Variants in DNAH12 observed in about 807,000 individuals in gnomAD.
The protein encoded by DNAH12 is axonemal beta dynein heavy chain 12.
A neutral mutation model predicts 371.5 loss-of-function variants in DNAH12; 285 were observed. The ratio of observed to expected loss-of-function variants is 0.77; its 90% CI spans 0.70 to 0.85. DNAH12 has a LOEUF of 0.85. DNAH12 is among the 40% of genes least tolerant of loss of function. DNAH12 has a pLI of 0.00. For missense variants in DNAH12, 3,611 were observed against 3,689.4 expected (o/e 0.98, Z 0.55); for synonymous variants, 1,200 against 1,213.0 (o/e 0.99, Z 0.22).
chr3:57,349,215 C>T (rs1356653397), intron 60 of DNAH12, among the ~76,000 whole-genome samples: 4 of 152,150 alleles, frequency 2.6e-5, no homozygotes, highest in Admixed American at 2.6e-4. Context: ...GGCCAACAAG[C>T]ATATGGAAAA....
chr3:57,417,461 G>A (rs771335793), intron 37 of DNAH12, among the ~76,000 whole-genome samples: 1 of 152,100 alleles, frequency 6.6e-6, no homozygotes, highest in Non-Finnish European at 1.5e-5. Flanking sequence ...AGTAACATTA[G>A]CTCTATGAAA....
At chr3:57,541,973 T>C (rs561176682) in intron 2 of DNAH12, among the ~76,000 whole-genome samples, 1 of 152,140 alleles carries the variant, frequency 6.6e-6, no homozygotes, top group Non-Finnish European at 1.5e-5. Context: ...CCTCATTTTA[T>C]AGTTTAAGTG....
chr3:57,314,257 A>AC (rs1304637383), intron 66 of DNAH12, among the ~76,000 whole-genome samples: 10 of 152,084 alleles, frequency 6.6e-5, no homozygotes, highest in African/African-American at 2.4e-4. Context: ...GTCCTTCTGC[A>AC]CCTCTTTATT....
chr3:57,347,189 A>G (rs1484113434), intron 60 of DNAH12, among the ~76,000 whole-genome samples: 1 of 152,202 alleles, frequency 6.6e-6, no homozygotes, highest in African/African-American at 2.4e-5. Flanking sequence ...AAAATCTCTC[A>G]TAAAAATAGA....
Position 57,500,328 on chromosome 3 carries a change from A to T in DNAH12, c.1335+993T>A, listed in dbSNP as rs1456158771. On this transcript the variant is annotated intron_variant, in intron 11 of 73. Transcript: ENST00000495027. ...AGTGCTGAGATTACAGGTGTGAGCC[A>T]CTGCACCCAGCCCAGAATTATCTTT... 2.0e-5 allele frequency among the ~76,000 whole-genome samples: 3 copies of T among 152,220 alleles called. No individual in the cohort carries two copies. In the East Asian group the frequency reaches 5.8e-4, roughly 29 times the overall value.
intron 40 of DNAH12, among the ~76,000 whole-genome samples, chr3:57,407,248 C>T (rs1308129657): frequency 1.4e-5 from 2 of 148,056 alleles, no homozygotes; most frequent in African/African-American, 5.0e-5. Context: ...CTCCAACCTC[C>T]ACACATGGTA....
chr3:57,459,036 A>C (rs1214644500), intron 20 of DNAH12, among the ~76,000 whole-genome samples: 2 of 152,210 alleles, frequency 1.3e-5, no homozygotes, highest in Non-Finnish European at 2.9e-5. Flanking sequence ...TATTTCTTAA[A>C]TTGAATACCA....
At chr3:57,369,511 T>A (rs1429797626) in intron 55 of DNAH12, among the ~76,000 whole-genome samples, 1 of 151,824 alleles carries the variant, frequency 6.6e-6, no homozygotes, top group Non-Finnish European at 1.5e-5. Flanking sequence ...AACTGTGTTC[T>A]TTTAGTTTCT....
rs1419829086 is a variant in DNAH12, at chr3:57,445,351, A to G, written c.4248T>C (p.Ser1416=). The G allele has an allele frequency of 2.4e-5, 37 of 1,551,638 alleles. No individual in the cohort carries two copies. The Admixed American group carries it at 6.7e-4, about 28-fold the overall frequency. ...YALIAEISLY[S]YGFLNARPLS... ...GAGGTCTTGCATTCAAAAATCCGTAAGAGTAGAGGGAGATTTCTGCTATAA... is the reference window on the plus strand; with the variant it reads ...GAGGTCTTGCATTCAAAAATCCGTAGGAGTAGAGGGAGATTTCTGCTATAA... Residue 1416 remains serine, a synonymous_variant, in exon 28 of 74, where the codon TCT becomes TCC. Coordinates refer to ENST00000495027, the MANE Select transcript of DNAH12 (RefSeq NM_001366028.2).
chr3:57,337,717 A>G (rs1024596743), intron 60 of DNAH12, among the ~76,000 whole-genome samples: 2 of 152,178 alleles, frequency 1.3e-5, no homozygotes, highest in Admixed American at 6.5e-5. Flanking sequence ...GAGCACCCAG[A>G]TATATAAAGC....
intron 23 of DNAH12, among the ~76,000 whole-genome samples, chr3:57,454,217 A>T (rs757800948): frequency 1.4e-4 from 21 of 152,342 alleles, no homozygotes; most frequent in Non-Finnish European, 2.4e-4. Context: ...GCAGCGGTTC[A>T]TGCCTCTAAT....
chr3:57,375,836 A>G lies in DNAH12; in HGVS notation c.8595T>C (p.Asp2865=), dbSNP rs1411953585. ...CCACTACCTTGCACAACATGCTCCA[A>G]TCTTTTGTACATGTTTGTCGAAAGC... ...TSGFRQTCTK[D]WSMLCKKKKI... is the part of the protein sequence containing the mutation. The change falls in exon 54 of 74, where the codon GAT becomes GAC. Residue 2865 remains aspartate, a synonymous_variant. Transcript: ENST00000495027. 6.6e-6 allele frequency: 1 copy of G among 152,158 alleles called. No homozygotes were observed. The highest frequency in any genetic ancestry group is 2.4e-5 in the African/African-American group (1 of 41,448). 9.4% of individuals were successfully genotyped at this position (152,158 alleles called of 1,614,324 possible).
chr3:57,462,658 C>A, intron 18 of DNAH12, 32 bp downstream of exon 18: 1 of 1,535,568 alleles, frequency 6.5e-7, no homozygotes, highest in South Asian at 1.2e-5. Context: ...GAAGTCATCA[C>A]ATAAAGTATT....
intron 13 of DNAH12, among the ~76,000 whole-genome samples, chr3:57,476,799 A>T (rs1232744541): frequency 6.6e-6 from 1 of 152,206 alleles, no homozygotes; most frequent in East Asian, 1.9e-4. Context: ...AATATAGGTA[A>T]ATAGGTACAT....
intron 2 of DNAH12, among the ~76,000 whole-genome samples, chr3:57,528,403 T>TG (rs1225998013): frequency 1.3e-4 from 20 of 151,870 alleles, no homozygotes; most frequent in African/African-American, 4.8e-4. Context: ...TGTAGATATT[T>TG]GGGGGGTAGT....
intron 8 of DNAH12, among the ~76,000 whole-genome samples, chr3:57,507,198 C>G (rs562636667): frequency 2.8e-4 from 42 of 152,038 alleles, no homozygotes; most frequent in African/African-American, 9.2e-4. Flanking sequence ...TAAAAATTCC[C>G]TATTTGTCAT....
chr3:57,483,319 T>C, intron 13 of DNAH12, 57 bp downstream of exon 13: 1 of 1,522,430 alleles, frequency 6.6e-7, no homozygotes, highest in Non-Finnish European at 8.8e-7. Flanking sequence ...ATCTTCACCA[T>C]GAAAATAATA....
chr3:57,334,041 C>T (rs1043322894), intron 62 of DNAH12, among the ~76,000 whole-genome samples: 3 of 151,974 alleles, frequency 2.0e-5, no homozygotes, highest in African/African-American at 7.3e-5. Context: ...ATGAAATACA[C>T]AATTACTAAA....
chr3:57,363,134 A>ACC (rs2062975100), intron 58 of DNAH12, among the ~76,000 whole-genome samples: 1 of 152,156 alleles, frequency 6.6e-6, no homozygotes, highest in Non-Finnish European at 1.5e-5. Flanking sequence ...TGCATCTATA[A>ACC]CCATCTGATC....
Sources: allele counts gnomAD v4.1 joint callset (sites outside exome capture counted in the v4.1 genomes callset), GRCh38; gene constraint gnomAD v4.1.1; transcripts MANE v1.5; gene names NCBI Gene and HGNC (gene_info 2026-07-23, HGNC 2026-07-21).